Variants in SMC6 observed in about 807,000 individuals in gnomAD.
The protein encoded by SMC6 is structural maintenance of chromosomes 6.
Under a neutral mutation model 142.2 loss-of-function variants are expected in SMC6, and 79 were observed. The observed-to-expected ratio is 0.56, with a 90% CI of 0.46 to 0.67. The LOEUF is 0.67. Ranked by LOEUF, SMC6 falls within the 30% of genes least tolerant of loss-of-function variation. The pLI is 0.00. For synonymous variants in SMC6, 411 were observed against 412.4 expected (o/e 1.00, Z 0.04); for missense variants, 1,072 against 1,284.0 (o/e 0.83, Z 2.52).
At chr2:17,668,513 C>T (rs1666608063) in intron 26 of SMC6, among the ~76,000 whole-genome samples, 1 of 151,580 alleles carries the variant, frequency 6.6e-6, no homozygotes, top group Non-Finnish European at 1.5e-5. Flanking sequence ...TGGGCAACTG[C>T]AACAGAATAA....
At chr2:17,667,101 A>G (rs1364444840) in intron 26 of SMC6, among the ~76,000 whole-genome samples, 1 of 152,238 alleles carries the variant, frequency 6.6e-6, no homozygotes, top group Non-Finnish European at 1.5e-5. Context: ...GTAGCAATTG[A>G]AATAATCAGA....
At chr2:17,742,881 A>G (rs1670549682) in intron 3 of SMC6, among the ~76,000 whole-genome samples, 1 of 152,236 alleles carries the variant, frequency 6.6e-6, no homozygotes, top group South Asian at 2.1e-4. Flanking sequence ...GACATAGTCA[A>G]AATACAGAAT....
chr2:17,695,402 A>T (rs1667941570), intron 22 of SMC6, 105 bp from the exon 23 acceptor site: 1 of 864,580 alleles, frequency 1.2e-6, no homozygotes, highest in African/African-American at 1.7e-5. Flanking sequence ...CTCATTTTTA[A>T]GAAATGTATT....
intron 16 of SMC6, among the ~76,000 whole-genome samples, chr2:17,709,926 C>G (rs1273517108): frequency 6.6e-6 from 1 of 152,126 alleles, no homozygotes; most frequent in Non-Finnish European, 1.5e-5. Context: ...CAGATTGCCA[C>G]AGTAGGCAGA....
chr2:17,741,873 G>T, intron 3 of SMC6, 144 bp from the exon 4 acceptor site: 1 of 543,040 alleles, frequency 1.8e-6, no homozygotes, highest in Non-Finnish European at 3.3e-6. Flanking sequence ...CAATGAATAA[G>T]ATGAAATTAA....
chr2:17,736,229 T>C (rs1572351097), intron 5 of SMC6, among the ~76,000 whole-genome samples: 1 of 152,248 alleles, frequency 6.6e-6, no homozygotes, highest in Non-Finnish European at 1.5e-5. Context: ...TTAGAGTTTC[T>C]AGCTGTCACT....
chr2:17,696,141 G>T, intron 22 of SMC6, 148 bp downstream of exon 22: 3 of 962,278 alleles, frequency 3.1e-6, no homozygotes, highest in Non-Finnish European at 4.4e-6. Context: ...AGCCTCTTCT[G>T]TTGATTCACC....
chr2:17,724,077 G>A (rs1189325976), intron 9 of SMC6, among the ~76,000 whole-genome samples: 1 of 151,956 alleles, frequency 6.6e-6, no homozygotes, highest in Non-Finnish European at 1.5e-5. Flanking sequence ...CCAAGTGTCT[G>A]AAACAAACAA....
intron 24 of SMC6, among the ~76,000 whole-genome samples, chr2:17,683,248 C>T (rs1667310858): frequency 6.6e-6 from 1 of 152,180 alleles, no homozygotes; most frequent in Admixed American, 6.6e-5. Context: ...TTTCTACATT[C>T]ATGGAGCTAC....
At chr2:17,689,744 TC>T (rs1667619350) in intron 23 of SMC6, among the ~76,000 whole-genome samples, 1 of 152,268 alleles carries the variant, frequency 6.6e-6, no homozygotes, top group Admixed American at 6.5e-5. Flanking sequence ...ATATACATCT[TC>T]CTGTATACTT....
intron 23 of SMC6, among the ~76,000 whole-genome samples, chr2:17,686,003 T>TAA (rs1667439126): frequency 6.6e-6 from 1 of 152,080 alleles, no homozygotes. Context: ...CTTAAATATA[T>TAA]GAAAAAATGT....
intron 23 of SMC6, among the ~76,000 whole-genome samples, chr2:17,691,795 A>G (rs1295904415): frequency 2.0e-5 from 3 of 152,174 alleles, no homozygotes; most frequent in Non-Finnish European, 2.9e-5. Flanking sequence ...AGATGACATG[A>G]TTGTATATCT....
intron 16 of SMC6, chr2:17,713,498 G>C (rs142510364): frequency 2.1e-6 from 1 of 471,162 alleles, no homozygotes; most frequent in Non-Finnish European, 4.4e-6. Flanking sequence ...CAGCAAGGCA[G>C]TGCCAGGCAC....
chr2:17,673,218 CT>C, intron 25 of SMC6, among the ~76,000 whole-genome samples: 1 of 152,202 alleles, frequency 6.6e-6, no homozygotes, highest in Admixed American at 6.5e-5. Context: ...CTATTTAAGC[CT>C]TTTGACTATT....
chr2:17,723,087 C>T (rs775018936), intron 9 of SMC6, among the ~76,000 whole-genome samples: 1 of 151,866 alleles, frequency 6.6e-6, no homozygotes, highest in Non-Finnish European at 1.5e-5. Context: ...TACTGTACTA[C>T]TAAAGTAATT....
chr2:17,680,881 T>C (rs1022186999), intron 24 of SMC6: 1 of 152,206 alleles, frequency 6.6e-6, no homozygotes, highest in African/African-American at 2.4e-5. Flanking sequence ...TTAAAGTCAC[T>C]AGCTTCATTT....
intron 23 of SMC6, among the ~76,000 whole-genome samples, chr2:17,694,075 T>C (rs548525283): frequency 2.7e-5 from 4 of 150,892 alleles, no homozygotes; most frequent in Non-Finnish European, 4.4e-5. Context: ...GAGGTCATTG[T>C]ATTAAGTGAA....
intron 24 of SMC6, chr2:17,680,776 T>C (rs920090668): frequency 6.6e-5 from 10 of 152,184 alleles, no homozygotes; most frequent in Admixed American, 2.6e-4. Context: ...CATCAGGCTT[T>C]GTTTTTCCAT....
At chr2:17,699,179 G>T in intron 21 of SMC6, among the ~76,000 whole-genome samples, 1 of 151,254 alleles carries the variant, frequency 6.6e-6, no homozygotes, top group Admixed American at 6.6e-5. Flanking sequence ...AATTCTCTAA[G>T]TTTGCCTTTA....
Sources: allele counts gnomAD v4.1 joint callset (sites outside exome capture counted in the v4.1 genomes callset), GRCh38; gene constraint gnomAD v4.1.1; transcripts MANE v1.5; gene names NCBI Gene and HGNC (gene_info 2026-07-23, HGNC 2026-07-21).